Variants in CNTNAP5 observed in about 807,000 individuals in gnomAD.
CNTNAP5 encodes contactin associated protein family member 5.
Under a neutral mutation model 150.2 loss-of-function variants are expected in CNTNAP5, and 72 were observed. That is an observed-to-expected ratio of 0.48 (90% CI 0.40 to 0.58). The LOEUF is 0.58. Ranked by LOEUF, CNTNAP5 falls within the 20% of genes least tolerant of loss-of-function variation. CNTNAP5 has a pLI of 0.00. For synonymous variants in CNTNAP5, 672 were observed against 619.8 expected (o/e 1.08, Z -1.25); for missense variants, 1,636 against 1,626.2 (o/e 1.01, Z -0.10).
At chr2:124,324,019 C>A (rs115810036) in intron 3 of CNTNAP5, among the ~76,000 whole-genome samples, 5 of 151,532 alleles carry the variant, frequency 3.3e-5, no homozygotes, top group African/African-American at 9.7e-5. Flanking sequence ...GAGAGCATTA[C>A]GAAAAAAAGA....
chr2:124,724,711 C>T (rs929985828), intron 13 of CNTNAP5, among the ~76,000 whole-genome samples: 2 of 151,936 alleles, frequency 1.3e-5, no homozygotes, highest in African/African-American at 4.8e-5. Flanking sequence ...ACATCACATG[C>T]CCTTAATGTG....
intron 3 of CNTNAP5, among the ~76,000 whole-genome samples, chr2:124,290,805 C>T (rs182991725): frequency 6.6e-6 from 1 of 152,226 alleles, no homozygotes; most frequent in East Asian, 1.9e-4. Flanking sequence ...GGCCCTCCTT[C>T]TGATTTCAAC....
At chr2:124,377,306 T>C (rs1690674538) in intron 3 of CNTNAP5, among the ~76,000 whole-genome samples, 1 of 152,108 alleles carries the variant, frequency 6.6e-6, no homozygotes, top group Non-Finnish European at 1.5e-5. Context: ...GGTTAGCTAA[T>C]GGGTCACTCT....
chr2:124,896,933 G>A (rs1464956143), intron 21 of CNTNAP5, among the ~76,000 whole-genome samples: 1 of 151,492 alleles, frequency 6.6e-6, no homozygotes. Flanking sequence ...TCATTTTTCA[G>A]TGTCTTAAAC....
In CNTNAP5 at chr2:124,865,384, G is replaced by A. The variant is rs1379181737; in HGVS notation, c.3296G>A (p.Arg1099Lys). 1.1e-5 allele frequency: 17 copies of A among 1,554,560 alleles called. No individual in the cohort carries two copies. The highest frequency in any genetic ancestry group is 8.7e-7 in the Non-Finnish European group (1 of 1,148,234). Residue 1099 changes from arginine (R) to lysine (K), a missense_variant, in exon 20 of 24, where the codon AGA becomes AAA. By Grantham distance (26) the Arg-to-Lys change is conservative. Coordinates refer to ENST00000682447, the MANE Select transcript of CNTNAP5 (RefSeq NM_001367498.1). ...FTIDADNFAN[R>K]RMHHLKINRE... ...ATTGATGCAGATAACTTTGCTAACAGAAGGATGCACCACTTGAAGATTAAC... is the reference window on the plus strand; with the variant it reads ...ATTGATGCAGATAACTTTGCTAACAAAAGGATGCACCACTTGAAGATTAAC...
chr2:124,712,758 CT>C (rs1255247885), intron 13 of CNTNAP5, among the ~76,000 whole-genome samples: 2 of 142,536 alleles, frequency 1.4e-5, no homozygotes, highest in East Asian at 2.1e-4. Flanking sequence ...TTTTTTTTTT[CT>C]TTTTAAGAGA....
At chr2:124,489,329 G>T (rs1407454988) in intron 7 of CNTNAP5, among the ~76,000 whole-genome samples, 1 of 152,070 alleles carries the variant, frequency 6.6e-6, no homozygotes, top group Non-Finnish European at 1.5e-5. Flanking sequence ...CATCTCCCTT[G>T]GTCTGTAGAT....
chr2:124,172,083 T>C (rs989847603), intron 1 of CNTNAP5, among the ~76,000 whole-genome samples: 5 of 152,226 alleles, frequency 3.3e-5, no homozygotes, highest in Admixed American at 2.0e-4. Context: ...CCCTCATGCC[T>C]ATATTTAAAA....
intron 2 of CNTNAP5, among the ~76,000 whole-genome samples, chr2:124,228,348 A>G (rs1686520671): frequency 6.6e-6 from 1 of 152,190 alleles, no homozygotes; most frequent in Admixed American, 6.5e-5. Context: ...CTACTGATTC[A>G]AATGCCAATA....
At chr2:124,631,701 C>T (rs2105009923) in intron 12 of CNTNAP5, among the ~76,000 whole-genome samples, 1 of 152,230 alleles carries the variant, frequency 6.6e-6, no homozygotes, top group East Asian at 1.9e-4. Context: ...GCAATTACAA[C>T]AAAACCAAAA....
chr2:124,085,076 C>T (rs866267337), intron 1 of CNTNAP5, among the ~76,000 whole-genome samples: 1 of 151,926 alleles, frequency 6.6e-6, no homozygotes, highest in African/African-American at 2.4e-5. Flanking sequence ...CACCCACCAC[C>T]ACGCCCAGCT....
At chr2:124,582,779 T>G (rs1696443720) in intron 11 of CNTNAP5, among the ~76,000 whole-genome samples, 2 of 152,200 alleles carry the variant, frequency 1.3e-5, no homozygotes, top group Admixed American at 6.5e-5. Context: ...CCACAGATAT[T>G]TGCAAATTTT....
At chr2:124,857,210 C>G (rs1269835852) in intron 19 of CNTNAP5, among the ~76,000 whole-genome samples, 2 of 151,788 alleles carry the variant, frequency 1.3e-5, no homozygotes, top group East Asian at 3.9e-4. Flanking sequence ...ATTTTTTTTT[C>G]TTTTCTGTAC....
intron 1 of CNTNAP5, among the ~76,000 whole-genome samples, chr2:124,091,643 G>T (rs1167218330): frequency 1.3e-5 from 2 of 152,174 alleles, no homozygotes; most frequent in African/African-American, 4.8e-5. Flanking sequence ...AAAAGGAAAA[G>T]AAAGCACAGG....
intron 1 of CNTNAP5, among the ~76,000 whole-genome samples, chr2:124,155,566 A>C (rs1684508050): frequency 6.6e-6 from 1 of 152,026 alleles, no homozygotes. Flanking sequence ...AAAAAATAAG[A>C]TTTCACTCTT....
At chr2:124,116,282 A>T (rs1045320313) in intron 1 of CNTNAP5, among the ~76,000 whole-genome samples, 2 of 152,118 alleles carry the variant, frequency 1.3e-5, no homozygotes, top group Non-Finnish European at 2.9e-5. Flanking sequence ...CTGAGTTAGG[A>T]GGGATGTATA....
intron 3 of CNTNAP5, among the ~76,000 whole-genome samples, chr2:124,271,066 G>C (rs376632528): frequency 2.6e-5 from 4 of 151,906 alleles, no homozygotes; most frequent in African/African-American, 9.7e-5. Flanking sequence ...CCCTGTGGTC[G>C]TGAGCAATCT....
intron 3 of CNTNAP5, among the ~76,000 whole-genome samples, chr2:124,305,387 A>G (rs1270551747): frequency 1.3e-5 from 2 of 152,232 alleles, no homozygotes; most frequent in African/African-American, 4.8e-5. Context: ...AGGAAGAATG[A>G]AAATTATCCA....
chr2:124,517,163 A>G (rs1284681444), intron 8 of CNTNAP5, among the ~76,000 whole-genome samples: 3 of 143,436 alleles, frequency 2.1e-5, no homozygotes, highest in South Asian at 2.3e-4. Context: ...GCATTGTGGT[A>G]TTGGTGATGG....
Sources: allele counts gnomAD v4.1 joint callset (sites outside exome capture counted in the v4.1 genomes callset), GRCh38; gene constraint gnomAD v4.1.1; transcripts MANE v1.5; gene names NCBI Gene and HGNC (gene_info 2026-07-23, HGNC 2026-07-21).